Variants in SCHIP1 observed in about 807,000 individuals in gnomAD.
SCHIP1 encodes the protein schwannomin interacting protein 1.
Under a neutral mutation model 29.7 loss-of-function variants are expected in SCHIP1, and 8 were observed. The observed-to-expected ratio is 0.27, with a 90% confidence interval of 0.16 to 0.49. SCHIP1 has a LOEUF of 0.49. Ranked by LOEUF, SCHIP1 falls within the 20% of genes least tolerant of loss-of-function variation. SCHIP1 has a pLI of 0.99. For synonymous variants in SCHIP1, 76 were observed against 94.9 expected, an observed-to-expected ratio of 0.80 and a Z score of 1.16; for missense variants, 193 against 294.6, an observed-to-expected ratio of 0.66 and a Z score of 2.52.
the SCHIP1 span, chr3:159,398,711 G>C: frequency 6.6e-6 from 1 of 152,140 alleles, no homozygotes; most frequent in Non-Finnish European, 1.5e-5. Flanking sequence ...ATCTGATAGA[G>C]AGGAGGGTGA....
chr3:159,668,039 C>G, the SCHIP1 span, among the ~76,000 whole-genome samples: 1 of 152,186 alleles, frequency 6.6e-6, no homozygotes, highest in Admixed American at 6.5e-5. Flanking sequence ...TAGCAACAGC[C>G]AAGGGCCTCA....
At chr3:159,853,341 G>A in intron 1 of SCHIP1, 1 of 680,178 alleles carries the variant, frequency 1.5e-6, no homozygotes, top group Non-Finnish European at 2.7e-6. Context: ...AGAATTCATG[G>A]GAGGTTATTT....
the SCHIP1 span, among the ~76,000 whole-genome samples, chr3:159,643,939 C>A: frequency 6.6e-6 from 1 of 152,086 alleles, no homozygotes; most frequent in African/African-American, 2.4e-5. Context: ...CACCACTCAT[C>A]GTCAACCCTA....
At chr3:159,620,436 C>T in the SCHIP1 span, among the ~76,000 whole-genome samples, 1 of 152,152 alleles carries the variant, frequency 6.6e-6, no homozygotes, top group Non-Finnish European at 1.5e-5. Flanking sequence ...CATCTGGAAG[C>T]TATGACATGC....
chr3:159,825,213 T>C, the SCHIP1 span, among the ~76,000 whole-genome samples: 1 of 152,234 alleles, frequency 6.6e-6, no homozygotes, highest in African/African-American at 2.4e-5. Context: ...TTTTTTTTCT[T>C]CTTAACTAAT....
At chr3:159,427,484 T>C in the SCHIP1 span, among the ~76,000 whole-genome samples, 1 of 152,026 alleles carries the variant, frequency 6.6e-6, no homozygotes, top group Non-Finnish European at 1.5e-5. Context: ...GAATCCAACT[T>C]ACAAGGGATG....
At chr3:159,764,051 C>T in the SCHIP1 span, 349 of 169,980 alleles carry the variant, frequency 2.1e-3, 5 homozygotes, top group Non-Finnish European at 3.6e-3. This position sits in a 1 kb window ranked among gnomAD's most constrained non-coding sequence, Gnocchi z 6.1. Context: ...CAGTTCCCGC[C>T]CCCAGGGAAT....
the SCHIP1 span, among the ~76,000 whole-genome samples, chr3:159,824,076 T>A: frequency 3.0e-4 from 45 of 152,218 alleles, no homozygotes; most frequent in Non-Finnish European, 5.9e-4. Context: ...TAAACCCCTA[T>A]GAACGCCCAA....
At chr3:159,515,322 C>T in the SCHIP1 span, among the ~76,000 whole-genome samples, 418 of 152,238 alleles carry the variant, frequency 2.7e-3, 2 homozygotes, top group South Asian at 0.019. Flanking sequence ...CATCTATTTC[C>T]GTTTGTCCTT....
chr3:159,565,178 G>A, the SCHIP1 span, among the ~76,000 whole-genome samples: 1 of 152,238 alleles, frequency 6.6e-6, no homozygotes, highest in African/African-American at 2.4e-5. Context: ...CAGCTCATAG[G>A]TAGGGAGCCA....
At chr3:159,447,604 A>C in the SCHIP1 span, among the ~76,000 whole-genome samples, 1 of 152,224 alleles carries the variant, frequency 6.6e-6, no homozygotes, top group African/African-American at 2.4e-5. Context: ...CAAACAAATC[A>C]CTTTTTTACT....
the SCHIP1 span, among the ~76,000 whole-genome samples, chr3:159,678,086 A>T: frequency 6.6e-6 from 1 of 152,240 alleles, no homozygotes; most frequent in Non-Finnish European, 1.5e-5. Flanking sequence ...TCTAGTAATT[A>T]GGGCAGGAAT....
chr3:159,322,459 A>G, the SCHIP1 span, among the ~76,000 whole-genome samples: 5 of 152,320 alleles, frequency 3.3e-5, no homozygotes, highest in East Asian at 9.7e-4. Flanking sequence ...CTGCTGTCAG[A>G]GTACGAGGAA....
the SCHIP1 span, among the ~76,000 whole-genome samples, chr3:159,545,244 T>G: frequency 3.3e-5 from 5 of 152,014 alleles, no homozygotes; most frequent in Non-Finnish European, 5.9e-5. Flanking sequence ...TATTGATCAT[T>G]GGTGTGTCTG....
the SCHIP1 span, among the ~76,000 whole-genome samples, chr3:159,562,678 T>C: frequency 6.6e-6 from 1 of 152,192 alleles, no homozygotes; most frequent in African/African-American, 2.4e-5. Flanking sequence ...CATAAAGTTT[T>C]TGTAAGTTGC....
the SCHIP1 span, among the ~76,000 whole-genome samples, chr3:159,662,223 T>C: frequency 1.2e-3 from 185 of 152,208 alleles, no homozygotes; most frequent in African/African-American, 3.4e-3. Context: ...CCCTAGACAA[T>C]AGGGGAATGA....
the SCHIP1 span, among the ~76,000 whole-genome samples, chr3:159,623,413 G>T: frequency 6.6e-6 from 1 of 152,146 alleles, no homozygotes; most frequent in Non-Finnish European, 1.5e-5. Flanking sequence ...ATCACCTGAG[G>T]TTAGGAGTTC....
chr3:159,422,866 G>C, the SCHIP1 span, among the ~76,000 whole-genome samples: 22 of 152,288 alleles, frequency 1.4e-4, no homozygotes, highest in Admixed American at 5.2e-4. Flanking sequence ...CATTTGGGCA[G>C]TTTCTAGTGA....
At chr3:159,314,874 A>G in the SCHIP1 span, among the ~76,000 whole-genome samples, 1 of 152,214 alleles carries the variant, frequency 6.6e-6, no homozygotes, top group African/African-American at 2.4e-5. Flanking sequence ...ATTTTTATGC[A>G]AATATATTAC....
Sources: allele counts gnomAD v4.1 joint callset (sites outside exome capture counted in the v4.1 genomes callset), GRCh38; gene constraint gnomAD v4.1.1; non-coding constraint Gnocchi (gnomAD v3.1); transcripts MANE v1.5; gene names NCBI Gene and HGNC (gene_info 2026-07-23, HGNC 2026-07-21).